Variants in SERGEF observed in about 807,000 individuals in gnomAD.
The protein encoded by SERGEF is secretion regulating guanine nucleotide exchange factor, also known as secretion-regulating guanine nucleotide exchange factor.
SERGEF carries 51 observed loss-of-function variants against 50.0 expected under a neutral mutation model. That is an observed-to-expected ratio of 1.02 (90% CI 0.81 to 1.29). The LOEUF is 1.29. Among genes scored for constraint, SERGEF ranks in the 50% most tolerant of loss-of-function variants. SERGEF has a pLI of 0.00. For synonymous variants in SERGEF, 205 were observed against 212.4 expected, an observed-to-expected ratio of 0.97 and a Z score of 0.30; for missense variants, 521 against 557.0, an observed-to-expected ratio of 0.94 and a Z score of 0.65.
chr11:18,006,460 G>T, intron 3 of SERGEF, 131 bp downstream of exon 3: 2 of 892,486 alleles, frequency 2.2e-6, no homozygotes, highest in Non-Finnish European at 1.7e-6. Flanking sequence ...ACAATTGTGA[G>T]CCACCGCACC....
intron 8 of SERGEF, among the ~76,000 whole-genome samples, chr11:17,967,397 G>T (rs888854977): frequency 5.9e-5 from 9 of 152,206 alleles, no homozygotes; most frequent in Non-Finnish European, 8.8e-5. Flanking sequence ...ACGTGGGCTG[G>T]AGGCACAGAG....
At chr11:17,792,088 T>C (rs1394640506) in intron 10 of SERGEF, among the ~76,000 whole-genome samples, 1 of 152,242 alleles carries the variant, frequency 6.6e-6, no homozygotes, top group Non-Finnish European at 1.5e-5. Flanking sequence ...TGAAAACTTG[T>C]TTTGCAGACC....
At chr11:17,928,819 T>A (rs1254117103) in intron 9 of SERGEF, among the ~76,000 whole-genome samples, 1 of 152,162 alleles carries the variant, frequency 6.6e-6, no homozygotes, top group Admixed American at 6.5e-5. Flanking sequence ...CATTTTTTTC[T>A]GGACCAAGGT....
chr11:17,819,484 T>C (rs971216374), intron 10 of SERGEF, among the ~76,000 whole-genome samples: 3 of 152,216 alleles, frequency 2.0e-5, no homozygotes, highest in African/African-American at 7.2e-5. Flanking sequence ...ATTCTTCAGA[T>C]AACAAAACAG....
At chr11:17,923,735 G>A (rs966439403) in intron 9 of SERGEF, among the ~76,000 whole-genome samples, 1 of 152,046 alleles carries the variant, frequency 6.6e-6, no homozygotes, top group Non-Finnish European at 1.5e-5. Flanking sequence ...TGCAGAGGTG[G>A]GTGTACACAC....
chr11:18,003,766 C>T (rs755886646), intron 4 of SERGEF, among the ~76,000 whole-genome samples: 1 of 152,030 alleles, frequency 6.6e-6, no homozygotes, highest in Non-Finnish European at 1.5e-5. Flanking sequence ...ACAGGCAAAT[C>T]TATAGAGACA....
intron 5 of SERGEF, among the ~76,000 whole-genome samples, chr11:17,997,431 A>C (rs1161436661): frequency 2.0e-5 from 3 of 152,204 alleles, no homozygotes; most frequent in African/African-American, 7.2e-5. Context: ...CTCCTGGTGG[A>C]AACAAAATGG....
chr11:17,951,382 A>G (rs1852771175), intron 9 of SERGEF, among the ~76,000 whole-genome samples: 1 of 152,200 alleles, frequency 6.6e-6, no homozygotes. Flanking sequence ...AAAGGTTTTG[A>G]ATGACCCAAA....
intron 4 of SERGEF, among the ~76,000 whole-genome samples, chr11:18,002,620 C>A (rs1233153612): frequency 6.6e-6 from 1 of 152,184 alleles, no homozygotes. Context: ...CTTCTCACCC[C>A]ACCTTCCCCC....
chr11:17,912,595 A>C (rs1851975768), intron 9 of SERGEF, among the ~76,000 whole-genome samples: 1 of 152,232 alleles, frequency 6.6e-6, no homozygotes, highest in Non-Finnish European at 1.5e-5. Context: ...ATTGTACTAA[A>C]CACTTTCATA....
At chr11:17,816,869 A>C (rs571704844) in intron 10 of SERGEF, among the ~76,000 whole-genome samples, 1 of 152,304 alleles carries the variant, frequency 6.6e-6, no homozygotes, top group East Asian at 1.9e-4. Flanking sequence ...GAATGTGGTG[A>C]CAGACAAATG....
chr11:17,946,672 G>A (rs1486024099), intron 9 of SERGEF, among the ~76,000 whole-genome samples: 1 of 152,140 alleles, frequency 6.6e-6, no homozygotes, highest in Non-Finnish European at 1.5e-5. Flanking sequence ...ACCTTGAGGG[G>A]TGCAAAGGGA....
chr11:17,931,586 G>C (rs1852353327), intron 9 of SERGEF, among the ~76,000 whole-genome samples: 1 of 152,166 alleles, frequency 6.6e-6, no homozygotes, highest in African/African-American at 2.4e-5. Context: ...TCAGCCTAAA[G>C]GTCAAGTGGT....
intron 9 of SERGEF, among the ~76,000 whole-genome samples, chr11:17,895,605 T>A (rs371765053): frequency 6.6e-6 from 1 of 152,252 alleles, no homozygotes; most frequent in Non-Finnish European, 1.5e-5. Context: ...AATAAAGTTG[T>A]AGATTTTCAG....
chr11:17,927,213 A>G lies in SERGEF; in HGVS notation c.1011+32257T>C, dbSNP rs141079738. Among the ~76,000 whole-genome samples, 844 of 152,320 alleles carry G rather than the reference A, an allele frequency of 5.5e-3. 4 individuals are homozygous for G. Among genetic ancestry groups the G allele is most frequent in the Non-Finnish European group, 9.1e-3 (616 of 68,034 alleles). Reference sequence around the variant, plus strand: ...CCACACTAGAGACTCATTTGGGGCCATCTGGCAATTTTTGGCACCACCCAC... The same window carrying G: ...CCACACTAGAGACTCATTTGGGGCCGTCTGGCAATTTTTGGCACCACCCAC... On this transcript the variant is annotated intron_variant, in intron 9 of 10. Coordinates refer to ENST00000265965, the MANE Select transcript of SERGEF (RefSeq NM_012139.4).
intron 10 of SERGEF, among the ~76,000 whole-genome samples, chr11:17,839,112 A>G (rs188490253): frequency 1.1e-4 from 17 of 152,318 alleles, no homozygotes; most frequent in African/African-American, 4.1e-4. Flanking sequence ...TATGATGGAT[A>G]CCCTGAACAG....
At chr11:17,824,340 C>T (rs1357741344) in intron 10 of SERGEF, among the ~76,000 whole-genome samples, 5 of 151,552 alleles carry the variant, frequency 3.3e-5, no homozygotes, top group African/African-American at 4.8e-5. Flanking sequence ...TTTCTCCCTT[C>T]TATCTGGCTG....
chr11:17,898,760 A>G (rs1851691902), intron 9 of SERGEF, among the ~76,000 whole-genome samples: 1 of 152,210 alleles, frequency 6.6e-6, no homozygotes, highest in Non-Finnish European at 1.5e-5. Context: ...GAGCAAACAA[A>G]ACATTTTTGC....
chr11:17,882,418 C>CAA (rs770460948), intron 9 of SERGEF, among the ~76,000 whole-genome samples: 2,054 of 67,994 alleles, frequency 0.03, 111 homozygotes, highest in East Asian at 0.29. Context: ...GAGTCAGTCT[C>CAA]AAAAAAAAAA....
Sources: allele counts gnomAD v4.1 joint callset (sites outside exome capture counted in the v4.1 genomes callset), GRCh38; gene constraint gnomAD v4.1.1; transcripts MANE v1.5; gene names NCBI Gene and HGNC (gene_info 2026-07-23, HGNC 2026-07-21).